The following ZNF385B variants were observed in gnomAD, a reference collection of about 807,000 sequenced individuals.
ZNF385B encodes the protein zinc finger protein 385B, also known as zinc finger protein 533.
A neutral mutation model predicts 39.2 loss-of-function variants in ZNF385B; 23 were observed. The ratio of observed to expected loss-of-function variants is 0.59; its 90% CI spans 0.42 to 0.83. The LOEUF (loss-of-function observed/expected upper bound fraction) is 0.83, where lower values mean the gene tolerates loss of function less well. Ranked by LOEUF, ZNF385B falls within the 40% of genes least tolerant of loss-of-function variation. The pLI, the probability that ZNF385B is intolerant of heterozygous loss-of-function variation, is 0.00. For missense variants in ZNF385B, 552 were observed against 598.9 expected, an observed-to-expected ratio of 0.92 and a Z score of 0.82; for synonymous variants, 205 against 222.6, an observed-to-expected ratio of 0.92 and a Z score of 0.70.
rs558486898 is a variant in ZNF385B at position 179,812,997 on chromosome 2, G to A, written c.-154-42325C>T. Among the ~76,000 whole-genome samples the A allele has an allele frequency of 1.5e-4, 23 of 151,730 alleles. 1 individual carries two copies. The South Asian group carries it at 4.6e-3, about 30-fold the overall frequency. On this transcript the variant is annotated intron_variant, in intron 1 of 9. Coordinates refer to ENST00000410066, the MANE Select transcript of ZNF385B (RefSeq NM_152520.6). ...CATATTTTTATAACTATTTTTTCCT[G>A]CTTGTCATTTGTATTTTATCTTTGT...
intron 3 of ZNF385B, among the ~76,000 whole-genome samples, chr2:179,744,139 T>C (rs1224480624): frequency 6.6e-6 from 1 of 152,098 alleles, no homozygotes. Context: ...ACTATTTGGA[T>C]GTCACATGTT....
intron 3 of ZNF385B, among the ~76,000 whole-genome samples, chr2:179,652,406 T>C (rs1394598685): frequency 1.3e-5 from 2 of 152,154 alleles, no homozygotes; most frequent in African/African-American, 4.8e-5. Flanking sequence ...GTCAAGGAGT[T>C]GAACAGTTTG....
intron 3 of ZNF385B, among the ~76,000 whole-genome samples, chr2:179,710,643 G>T (rs968734979): frequency 5.3e-5 from 8 of 152,242 alleles, no homozygotes; most frequent in Non-Finnish European, 8.8e-5. Flanking sequence ...AGTGGTGTTG[G>T]TCTCAAAATG....
chr2:179,530,858 T>A (rs886947502), intron 4 of ZNF385B, among the ~76,000 whole-genome samples: 2 of 152,192 alleles, frequency 1.3e-5, no homozygotes, highest in Non-Finnish European at 2.9e-5. Flanking sequence ...AGTGTTCTAA[T>A]CTTAAACATT....
intron 1 of ZNF385B, among the ~76,000 whole-genome samples, chr2:179,846,179 T>A (rs1312930945): frequency 6.6e-6 from 1 of 152,234 alleles, no homozygotes; most frequent in Admixed American, 6.5e-5. Context: ...TTCAGACCCA[T>A]AGTCTTATAA....
chr2:179,536,507 G>A (rs1347442553), intron 4 of ZNF385B: 1 of 152,200 alleles, frequency 6.6e-6, no homozygotes, highest in East Asian at 1.9e-4. Flanking sequence ...TGGGTCTACA[G>A]ATGCCTCTTT....
At chr2:179,623,858 T>C (rs1202067995) in intron 3 of ZNF385B, among the ~76,000 whole-genome samples, 1 of 152,220 alleles carries the variant, frequency 6.6e-6, no homozygotes, top group Non-Finnish European at 1.5e-5. Flanking sequence ...CTAAACCTTC[T>C]GATTTTACAA....
chr2:179,788,078 C>T (rs1403334831), intron 1 of ZNF385B, among the ~76,000 whole-genome samples: 2 of 152,138 alleles, frequency 1.3e-5, no homozygotes. Flanking sequence ...TTCTGATAAG[C>T]TTCTTCAGGT....
intron 4 of ZNF385B, among the ~76,000 whole-genome samples, chr2:179,537,762 C>CA (rs1323673108): frequency 1.5e-5 from 2 of 133,760 alleles, no homozygotes; most frequent in South Asian, 2.4e-4. Flanking sequence ...AACAAACAAA[C>CA]AAACAAAAAA....
chr2:179,628,727 A>C (rs1263103568), intron 3 of ZNF385B, among the ~76,000 whole-genome samples: 1 of 152,214 alleles, frequency 6.6e-6, no homozygotes, highest in Non-Finnish European at 1.5e-5. Context: ...AAACCGTGAC[A>C]AAAGAGTGAT....
intron 3 of ZNF385B, among the ~76,000 whole-genome samples, chr2:179,678,687 T>A (rs1462432254): frequency 1.3e-5 from 2 of 152,228 alleles, no homozygotes; most frequent in Non-Finnish European, 2.9e-5. Flanking sequence ...TCTGTCAGTA[T>A]AGATGACCTT....
intron 3 of ZNF385B, among the ~76,000 whole-genome samples, chr2:179,646,533 G>C (rs561322104): frequency 1.3e-5 from 2 of 152,318 alleles, no homozygotes; most frequent in Admixed American, 1.3e-4. Flanking sequence ...CACTGAATAA[G>C]TGAATGAATA....
chr2:179,507,835 A>C (rs1016608247), intron 5 of ZNF385B, among the ~76,000 whole-genome samples: 6 of 152,118 alleles, frequency 3.9e-5, no homozygotes, highest in African/African-American at 1.4e-4. Flanking sequence ...ATACTTCCTC[A>C]TATGCTGTCT....
intron 1 of ZNF385B, among the ~76,000 whole-genome samples, chr2:179,827,362 G>A (rs1238746541): frequency 1.3e-5 from 2 of 152,042 alleles, no homozygotes; most frequent in African/African-American, 2.4e-5. Flanking sequence ...ATTCTGTCCC[G>A]TAAGCAATAA....
intron 3 of ZNF385B, among the ~76,000 whole-genome samples, chr2:179,559,599 T>A (rs544864793): frequency 1.3e-5 from 2 of 152,266 alleles, no homozygotes; most frequent in South Asian, 4.1e-4. Context: ...CTTTATTTTT[T>A]AACATAGTCA....
At chr2:179,725,552 G>A (rs1194472001) in intron 3 of ZNF385B, among the ~76,000 whole-genome samples, 1 of 151,314 alleles carries the variant, frequency 6.6e-6, no homozygotes, top group Non-Finnish European at 1.5e-5. Flanking sequence ...TATAAATTAA[G>A]TGTTGTCTTT....
intron 3 of ZNF385B, among the ~76,000 whole-genome samples, chr2:179,631,812 G>C (rs1359897260): frequency 6.6e-6 from 1 of 151,944 alleles, no homozygotes; most frequent in African/African-American, 2.4e-5. Context: ...TCAAAATAAA[G>C]GGATGGAGGA....
chr2:179,722,771 T>C (rs926154299), intron 3 of ZNF385B, among the ~76,000 whole-genome samples: 1 of 152,042 alleles, frequency 6.6e-6, no homozygotes, highest in African/African-American at 2.4e-5. Context: ...CCAAAAATAA[T>C]AAAAACCCAA....
chr2:179,717,864 T>C (rs1165938522), intron 3 of ZNF385B, among the ~76,000 whole-genome samples: 2 of 152,090 alleles, frequency 1.3e-5, no homozygotes, highest in East Asian at 3.9e-4. Flanking sequence ...TATAATTTGT[T>C]ATTACGTTGT....
Sources: gnomAD v4.1 joint callset for allele counts (sites outside exome capture counted in the v4.1 genomes callset) on GRCh38, gnomAD v4.1.1 for gene constraint, MANE v1.5 for transcripts, NCBI Gene and HGNC (gene_info 2026-07-23, HGNC 2026-07-21) for gene names.